GPC5: variants seen among roughly 807,000 people sequenced by gnomAD.
GPC5 encodes the protein glypican-5.
In GPC5, 47 loss-of-function variants were observed where a neutral mutation model predicts 53.9. The ratio of observed to expected loss-of-function variants is 0.87; its 90% CI spans 0.69 to 1.11. The LOEUF (loss-of-function observed/expected upper bound fraction) is 1.11. Ranked by LOEUF, GPC5 falls within the 50% of genes most tolerant of loss-of-function variation. The pLI, the probability that GPC5 is intolerant of heterozygous loss-of-function variation, is 0.00. For missense variants in GPC5, 748 were observed against 713.1 expected, an observed-to-expected ratio of 1.05 and a Z score of -0.56; for synonymous variants, 286 against 263.3, an observed-to-expected ratio of 1.09 and a Z score of -0.84.
At chr13:92,357,391 T>C (rs1324336170) in intron 7 of GPC5, among the ~76,000 whole-genome samples, 1 of 151,762 alleles carries the variant, frequency 6.6e-6, no homozygotes, top group Non-Finnish European at 1.5e-5. Flanking sequence ...ACTTTTTGAC[T>C]TTTTAAGAAT....
intron 7 of GPC5, among the ~76,000 whole-genome samples, chr13:92,212,850 A>C (rs1415121801): frequency 6.6e-6 from 1 of 152,182 alleles, no homozygotes. Flanking sequence ...GCCAATGTCT[A>C]TTCCAATTAG....
At chr13:91,994,574 A>G (rs1375899868) in intron 6 of GPC5, 4 of 152,192 alleles carry the variant, frequency 2.6e-5, no homozygotes, top group Non-Finnish European at 1.5e-5. Context: ...ATGATCTATC[A>G]TCAAGCCTAC....
At chr13:92,675,049 C>A (rs1413813386) in intron 7 of GPC5, among the ~76,000 whole-genome samples, 1 of 151,922 alleles carries the variant, frequency 6.6e-6, no homozygotes. Flanking sequence ...ATGTATAAAA[C>A]CAGTAAATAA....
chr13:91,983,995 G>A (rs1026446937), intron 6 of GPC5, among the ~76,000 whole-genome samples: 2 of 152,172 alleles, frequency 1.3e-5, no homozygotes, highest in Non-Finnish European at 2.9e-5. Flanking sequence ...CTGCTTGGAT[G>A]AGCGTGGTCA....
chr13:92,166,945 C>CTATATATATA (rs2042033449), intron 7 of GPC5, among the ~76,000 whole-genome samples: 1 of 67,812 alleles, frequency 1.5e-5, no homozygotes, highest in African/African-American at 4.2e-5. Flanking sequence ...CTCTCTCTCT[C>CTATATATATA]TCTCTCTCTC....
chr13:91,568,392 C>T (rs2031630599), intron 2 of GPC5, among the ~76,000 whole-genome samples: 1 of 152,092 alleles, frequency 6.6e-6, no homozygotes, highest in African/African-American at 2.4e-5. Flanking sequence ...ACTGAACAAA[C>T]TTATAAAATG....
chr13:91,721,103 TTCTTTCTTTCTTTCTTTC>T (rs1370334423), intron 3 of GPC5, among the ~76,000 whole-genome samples: 1 of 142,466 alleles, frequency 7.0e-6, no homozygotes, highest in Non-Finnish European at 1.5e-5. Flanking sequence ...CTTTCTTTCT[TTCTTTCTTTCTTTCTTTC>T]TTTCTTTCTT....
chr13:91,543,857 C>G (rs1410836800), intron 2 of GPC5, among the ~76,000 whole-genome samples: 2 of 152,110 alleles, frequency 1.3e-5, no homozygotes, highest in Non-Finnish European at 2.9e-5. Flanking sequence ...AAGCAACCCT[C>G]CATGTTGTTA....
chr13:92,579,822 A>G (rs939627111), intron 7 of GPC5, among the ~76,000 whole-genome samples: 6 of 151,936 alleles, frequency 3.9e-5, no homozygotes, highest in African/African-American at 1.2e-4. Flanking sequence ...GACCTAACAC[A>G]TCCTATAAGG....
At chr13:92,242,111 T>C (rs1164303443) in intron 7 of GPC5, among the ~76,000 whole-genome samples, 1 of 151,406 alleles carries the variant, frequency 6.6e-6, no homozygotes, top group Non-Finnish European at 1.5e-5. Context: ...CAGGCACCTG[T>C]AATCCCAGCT....
At chr13:92,534,038 G>A (rs1434987053) in intron 7 of GPC5, among the ~76,000 whole-genome samples, 1 of 152,082 alleles carries the variant, frequency 6.6e-6, no homozygotes, top group Non-Finnish European at 1.5e-5. Context: ...TATCATCCCA[G>A]CACTTTGGGA....
chr13:92,571,096 T>C (rs1269384435), intron 7 of GPC5, among the ~76,000 whole-genome samples: 1 of 152,128 alleles, frequency 6.6e-6, no homozygotes, highest in Non-Finnish European at 1.5e-5. Flanking sequence ...CTTGGGGAAA[T>C]ATACAATCAG....
intron 5 of GPC5, among the ~76,000 whole-genome samples, chr13:91,854,855 C>T (rs1400092255): frequency 2.0e-5 from 3 of 151,590 alleles, no homozygotes; most frequent in South Asian, 2.1e-4. Context: ...GACATGTTTT[C>T]AACATTTGCT....
intron 7 of GPC5, among the ~76,000 whole-genome samples, chr13:92,824,570 A>G (rs1877780681): frequency 6.6e-6 from 1 of 152,132 alleles, no homozygotes; most frequent in Admixed American, 6.6e-5. Context: ...CATTTGTGTT[A>G]AGTAGCAGGA....
chr13:92,559,108 C>A (rs1882603686), intron 7 of GPC5, among the ~76,000 whole-genome samples: 1 of 150,514 alleles, frequency 6.6e-6, no homozygotes, highest in South Asian at 2.1e-4. Context: ...TGGCTTATTT[C>A]CCCTCTGAAC....
chr13:92,812,499 G>A (rs1877331013), intron 7 of GPC5, among the ~76,000 whole-genome samples: 1 of 151,770 alleles, frequency 6.6e-6, no homozygotes, highest in Non-Finnish European at 1.5e-5. Context: ...GCTTTTATAA[G>A]TAAAAACACT....
At chr13:91,823,391 C>T (rs1019389791) in intron 5 of GPC5, among the ~76,000 whole-genome samples, 14 of 151,886 alleles carry the variant, frequency 9.2e-5, no homozygotes, top group African/African-American at 3.1e-4. Flanking sequence ...GTTTGATGCT[C>T]CACAGATGTG....
Position 91,495,650 on chromosome 13 carries a change from T to C in GPC5, c.325+46728T>C, listed in dbSNP as rs549902695. On this transcript the variant is annotated intron_variant, in intron 2 of 7. Coordinates refer to ENST00000377067, the MANE Select transcript of GPC5 (RefSeq NM_004466.6). ...AGGTAGCTTGCAGTGCTTTGCATCT[T>C]TTTGTAATGTCTTCTCTGTCTATTC... Among the ~76,000 whole-genome samples the C allele has an allele frequency of 4.4e-4, 67 of 152,366 alleles. 1 individual carries two copies. Among genetic ancestry groups the C allele is most frequent in the Non-Finnish European group, 8.4e-4 (57 of 68,024 alleles).
chr13:91,563,887 G>T (rs538106907), intron 2 of GPC5, among the ~76,000 whole-genome samples: 1 of 151,968 alleles, frequency 6.6e-6, no homozygotes, highest in Non-Finnish European at 1.5e-5. Context: ...CCGGAGGACC[G>T]GGGAGGAGGG....
Sources: gnomAD v4.1 joint callset for allele counts (sites outside exome capture counted in the v4.1 genomes callset) on GRCh38, gnomAD v4.1.1 for gene constraint, MANE v1.5 for transcripts, NCBI Gene and HGNC (gene_info 2026-07-23, HGNC 2026-07-21) for gene names.